The following TDRD3 variants were observed in gnomAD, a reference collection of about 807,000 sequenced individuals.
The protein encoded by TDRD3 is tudor domain-containing protein 3.
In TDRD3, 45 loss-of-function variants were observed where a neutral mutation model predicts 86.7. The observed-to-expected ratio is 0.52, with a 90% confidence interval of 0.41 to 0.67. The LOEUF (loss-of-function observed/expected upper bound fraction) is 0.67, where lower values mean the gene tolerates loss of function less well. Among genes scored for constraint, TDRD3 ranks in the 30% least tolerant of loss-of-function variants. The pLI, the probability that TDRD3 is intolerant of heterozygous loss-of-function variation, is 0.00. For missense variants in TDRD3, 814 were observed against 889.0 expected, an observed-to-expected ratio of 0.92 and a Z score of 1.07; for synonymous variants, 298 against 301.7, an observed-to-expected ratio of 0.99 and a Z score of 0.13.
At chr13:60,397,438 C>T in intron 1 of TDRD3, 33 bp downstream of exon 1, 1 of 1,475,062 alleles carries the variant, frequency 6.8e-7, no homozygotes, top group Non-Finnish European at 9.0e-7. Flanking sequence ...TGCCGGGCCG[C>T]GGGTGCGGGC....
At chr13:60,415,946 G>C (rs909603652) in intron 1 of TDRD3, among the ~76,000 whole-genome samples, 7 of 152,150 alleles carry the variant, frequency 4.6e-5, no homozygotes, top group South Asian at 4.1e-4. Flanking sequence ...GGAGAACTCT[G>C]GTTGGCCGTC....
In TDRD3 at chr13:60,467,323, A is replaced by G; in HGVS notation, c.439A>G (p.Thr147Ala). Residue 147 changes from threonine (T) to alanine (A), a missense_variant, in exon 5 of 14, where the codon ACC (threonine) becomes GCC (alanine). Transcript: ENST00000377881. The stretch of plus-strand genomic sequence containing the variant: ...ATTCCTGCTCTTGAATGACTCTAAC[A>G]CCACAGTTCTTGGTGGTGAAGTGGA... Reference protein sequence around the residue: ...NGFLLLNDSNTTVLGGEVEHL... With the variant: ...NGFLLLNDSNATVLGGEVEHL... 1 of 1,613,788 alleles carries G rather than the reference A, an allele frequency of 6.2e-7. No individual in the cohort carries two copies. Among genetic ancestry groups the G allele is most frequent in the Non-Finnish European group, 8.5e-7 (1 of 1,179,866 alleles).
At chr13:60,525,720 C>T (rs1282328945) in intron 10 of TDRD3, among the ~76,000 whole-genome samples, 1 of 152,080 alleles carries the variant, frequency 6.6e-6, no homozygotes, top group Admixed American at 6.6e-5. Flanking sequence ...ATAAGCTGTT[C>T]AGGAATTTTT....
At chr13:60,468,616 T>C (rs1956002643) in intron 5 of TDRD3, among the ~76,000 whole-genome samples, 1 of 151,942 alleles carries the variant, frequency 6.6e-6, no homozygotes, top group South Asian at 2.1e-4. Context: ...TGCATCTGTA[T>C]CTCAAGTTAT....
intron 8 of TDRD3, among the ~76,000 whole-genome samples, chr13:60,499,055 G>T (rs1470562452): frequency 6.6e-6 from 1 of 152,182 alleles, no homozygotes; most frequent in Admixed American, 6.5e-5. Context: ...GGTAGGGTGA[G>T]GGTGATTATG....
At chr13:60,566,870 T>A (rs1958472313) in intron 12 of TDRD3, among the ~76,000 whole-genome samples, 1 of 152,188 alleles carries the variant, frequency 6.6e-6, no homozygotes. Flanking sequence ...ATATACCCAC[T>A]CAGTAAGAAA....
chr13:60,433,738 G>A lies in TDRD3; in HGVS notation c.42-5950G>A, dbSNP rs1005856157. ...CTAAAAGCTAAAAATCAAATCTGAC[G>A]CAGTAACTGCTTTACTAGTCCTCGT... On this transcript the variant is annotated intron_variant, in intron 1 of 13. Coordinates refer to ENST00000377881, the MANE Select transcript of TDRD3 (RefSeq NM_001146070.2). Among the ~76,000 whole-genome samples, 3 of 152,210 alleles carry A rather than the reference G, an allele frequency of 2.0e-5. No individual in the cohort carries two copies. The East Asian group carries it at 5.8e-4, about 29-fold the overall frequency.
intron 3 of TDRD3, among the ~76,000 whole-genome samples, chr13:60,449,379 C>G (rs1035056586): frequency 1.3e-5 from 2 of 152,084 alleles, no homozygotes; most frequent in African/African-American, 4.8e-5. Flanking sequence ...AATAGGACTT[C>G]TGTGGAGTTT....
intron 1 of TDRD3, among the ~76,000 whole-genome samples, chr13:60,418,993 T>G (rs546341021): frequency 6.6e-6 from 1 of 152,350 alleles, no homozygotes; most frequent in African/African-American, 2.4e-5. Flanking sequence ...TTGGTTATTA[T>G]GAATAAGGCT....
At chr13:60,409,340 G>C (rs1236709346) in intron 1 of TDRD3, among the ~76,000 whole-genome samples, 1 of 152,222 alleles carries the variant, frequency 6.6e-6, no homozygotes, top group Non-Finnish European at 1.5e-5. Flanking sequence ...TAGTAGAGCT[G>C]TGAGAAGAAG....
At chr13:60,466,851 T>G (rs902070573) in intron 4 of TDRD3, among the ~76,000 whole-genome samples, 1 of 152,182 alleles carries the variant, frequency 6.6e-6, no homozygotes, top group African/African-American at 2.4e-5. Flanking sequence ...TGGTGGTCTA[T>G]TCATATGATA....
chr13:60,561,035 G>A (rs543504522), intron 12 of TDRD3, among the ~76,000 whole-genome samples: 1 of 152,140 alleles, frequency 6.6e-6, no homozygotes, highest in African/African-American at 2.4e-5. Flanking sequence ...TGGAGGGATG[G>A]GAGACTATAA....
chr13:60,491,050 G>A (rs1595012500), intron 7 of TDRD3, among the ~76,000 whole-genome samples: 1 of 149,462 alleles, frequency 6.7e-6, no homozygotes, highest in Non-Finnish European at 1.5e-5. Context: ...CCAGGCAGAG[G>A]TTGTGGTGAG....
At chr13:60,464,590 ACACACACACATACACT>A (rs1452170092) in intron 4 of TDRD3, among the ~76,000 whole-genome samples, 1 of 152,174 alleles carries the variant, frequency 6.6e-6, no homozygotes, top group Non-Finnish European at 1.5e-5. Context: ...ACACATACAC[ACACACACACATACACT>A]GGAATATTAT....
At position 60,556,787 on chromosome 13, in the gene TDRD3, G is replaced by A. The variant is rs181342220; in HGVS notation, c.2119-10738G>A. Among the ~76,000 whole-genome samples, 581 of 152,308 alleles carry A rather than the reference G, an allele frequency of 3.8e-3. 2 individuals are homozygous for A. Among genetic ancestry groups the A allele is most frequent in the Non-Finnish European group, 5.2e-3 (351 of 68,022 alleles). ...AAAGGAAAAGATGATCAAGATGATGGAGATTCTGGAAATAATGGTATTTGA... is the reference window on the plus strand; with the variant it reads ...AAAGGAAAAGATGATCAAGATGATGAAGATTCTGGAAATAATGGTATTTGA... On this transcript the variant is annotated intron_variant, in intron 12 of 13. Coordinates refer to ENST00000377881, the MANE Select transcript of TDRD3 (RefSeq NM_001146070.2).
At chr13:60,498,919 G>A (rs1043772113) in intron 8 of TDRD3, among the ~76,000 whole-genome samples, 1 of 152,104 alleles carries the variant, frequency 6.6e-6, no homozygotes, top group African/African-American at 2.4e-5. Context: ...TTTAGCTCAG[G>A]TCCAAATTAC....
chr13:60,550,678 T>C (rs936118797), intron 12 of TDRD3, among the ~76,000 whole-genome samples: 2 of 151,922 alleles, frequency 1.3e-5, no homozygotes, highest in Non-Finnish European at 2.9e-5. Flanking sequence ...TAAAATCACT[T>C]TGTAAAGTGC....
intron 8 of TDRD3, among the ~76,000 whole-genome samples, chr13:60,501,658 A>T (rs1956835600): frequency 6.6e-6 from 1 of 152,152 alleles, no homozygotes; most frequent in East Asian, 1.9e-4. Flanking sequence ...ACCATCCATA[A>T]AATCATTTTA....
intron 1 of TDRD3, among the ~76,000 whole-genome samples, chr13:60,438,372 T>C (rs572489586): frequency 1.4e-4 from 22 of 152,182 alleles, no homozygotes; most frequent in Non-Finnish European, 3.1e-4. Context: ...CATCTATTCA[T>C]TCTTACTGAC....
Sources: gnomAD v4.1 joint callset for allele counts (sites outside exome capture counted in the v4.1 genomes callset) on GRCh38, gnomAD v4.1.1 for gene constraint, MANE v1.5 for transcripts, NCBI Gene and HGNC (gene_info 2026-07-23, HGNC 2026-07-21) for gene names.